The following IQCM variants were observed in gnomAD, a reference collection of about 807,000 sequenced individuals.
The protein encoded by IQCM is IQ motif containing M.
A neutral mutation model predicts 57.6 loss-of-function variants in IQCM; 45 were observed. The observed-to-expected ratio is 0.78, with a 90% CI of 0.62 to 1.00. The LOEUF is 1.00. IQCM is among the 50% of genes least tolerant of loss of function. The pLI is 0.00. For missense variants in IQCM, 468 were observed against 511.6 expected, an observed-to-expected ratio of 0.91 and a Z score of 0.82; for synonymous variants, 148 against 158.9, an observed-to-expected ratio of 0.93 and a Z score of 0.51.
In IQCM at chr4:149,459,504, T is replaced by C. The variant is rs553682674; in HGVS notation, c.1229-25947A>G. Among the ~76,000 whole-genome samples the C allele has an allele frequency of 6.6e-5, 10 of 152,284 alleles. 1 individual carries two copies. Among genetic ancestry groups the C allele is most frequent in the Middle Eastern group, 6.8e-3 (2 of 294 alleles). On this transcript the variant is annotated intron_variant, in intron 12 of 13. Transcript: ENST00000636793. ...TTTTAAATGTACAGTTGAGTGGTAT[T>C]AAATGCATTTTTAATGTTGTACAAC...
At chr4:149,454,195 CAT>C (rs1553968106) in intron 12 of IQCM, among the ~76,000 whole-genome samples, 2 of 147,540 alleles carry the variant, frequency 1.4e-5, no homozygotes, top group Non-Finnish European at 3.0e-5. Flanking sequence ...CACACACACA[CAT>C]ATAAACACAT....
At chr4:149,556,065 T>A (rs529231982) in intron 10 of IQCM, among the ~76,000 whole-genome samples, 1 of 152,330 alleles carries the variant, frequency 6.6e-6, no homozygotes, top group Admixed American at 6.5e-5. Flanking sequence ...GCTAGTACAT[T>A]TCAGCATGTA....
At chr4:149,492,721 T>C (rs1177614560) in intron 12 of IQCM, among the ~76,000 whole-genome samples, 2 of 152,130 alleles carry the variant, frequency 1.3e-5, no homozygotes, top group Non-Finnish European at 2.9e-5. Context: ...TTAAAAACCC[T>C]GTTTGCCCTA....
intron 5 of IQCM, among the ~76,000 whole-genome samples, chr4:149,692,427 T>A (rs896244737): frequency 2.0e-5 from 3 of 152,174 alleles, no homozygotes; most frequent in Non-Finnish European, 4.4e-5. Flanking sequence ...TATATATGTA[T>A]GTATTTTTTA....
At chr4:149,495,308 G>A (rs956939272) in intron 12 of IQCM, among the ~76,000 whole-genome samples, 2 of 152,040 alleles carry the variant, frequency 1.3e-5, no homozygotes, top group African/African-American at 2.4e-5. Context: ...TAGCTACCAC[G>A]TAAGATATAT....
chr4:149,639,943 T>C (rs1424576675), intron 7 of IQCM, among the ~76,000 whole-genome samples: 1 of 152,076 alleles, frequency 6.6e-6, no homozygotes, highest in Admixed American at 6.5e-5. Flanking sequence ...AAATAAAATA[T>C]TTGCAAAATA....
chr4:149,541,727 G>C (rs571524549), intron 12 of IQCM, among the ~76,000 whole-genome samples: 1 of 151,670 alleles, frequency 6.6e-6, no homozygotes, highest in African/African-American at 2.4e-5. Flanking sequence ...CATGTCCTCA[G>C]TCACAAATTT....
At chr4:149,581,656 G>A (rs1344383339) in intron 9 of IQCM, among the ~76,000 whole-genome samples, 1 of 151,712 alleles carries the variant, frequency 6.6e-6, no homozygotes, top group African/African-American at 2.4e-5. Context: ...GGTTTCATGA[G>A]TTGATCTACA....
chr4:149,415,363 T>C (rs967542546), intron 13 of IQCM, among the ~76,000 whole-genome samples: 4 of 152,184 alleles, frequency 2.6e-5, no homozygotes, highest in Non-Finnish European at 2.9e-5. Context: ...TCTTTAAACT[T>C]CAGTTTTCTA....
chr4:149,475,268 A>C (rs1740056559), intron 12 of IQCM, among the ~76,000 whole-genome samples: 1 of 152,162 alleles, frequency 6.6e-6, no homozygotes, highest in African/African-American at 2.4e-5. Flanking sequence ...AGATGTGAGG[A>C]TGAGAGAAGG....
chr4:149,563,560 T>G (rs1750332318), intron 10 of IQCM, 132 bp downstream of exon 10: 2 of 581,700 alleles, frequency 3.4e-6, no homozygotes, highest in Non-Finnish European at 5.0e-6. Context: ...CACTCCAGCC[T>G]GGACAACAAC....
chr4:149,715,776 C>T (rs908598101), intron 5 of IQCM, among the ~76,000 whole-genome samples: 3 of 152,178 alleles, frequency 2.0e-5, no homozygotes, highest in Non-Finnish European at 2.9e-5. Flanking sequence ...GCAGGCAGGT[C>T]GGCCAGACAT....
rs977843728 is a variant in IQCM, at chr4:149,699,184, T to A, written c.386-12716A>T. Among the ~76,000 whole-genome samples, 14 of 151,988 alleles carry A rather than the reference T, an allele frequency of 9.2e-5. No individual in the cohort carries two copies. The East Asian group carries it at 2.7e-3, about 29-fold the overall frequency. ...AACATATTGAAAACAAAATGCAAAG[T>A]TATATTGTGCTTTATATTTCCATGA... On this transcript the variant is annotated intron_variant, in intron 5 of 13. Transcript: ENST00000636793.
chr4:149,809,666 G>A (rs552048512), intron 2 of IQCM, among the ~76,000 whole-genome samples: 16 of 152,212 alleles, frequency 1.1e-4, no homozygotes, highest in Middle Eastern at 3.4e-3. Flanking sequence ...ACAACTCCTC[G>A]ACTGATCCTT....
chr4:149,474,593 T>C (rs1040452866), intron 12 of IQCM, among the ~76,000 whole-genome samples: 8 of 149,456 alleles, frequency 5.4e-5, no homozygotes, highest in Non-Finnish European at 1.2e-4. Flanking sequence ...AGCATGTGCC[T>C]GTAATCCCAG....
rs183936837 is a variant in IQCM, at chr4:149,489,352, T to C, written c.1229-55795A>G. Among the ~76,000 whole-genome samples, 55 of 152,234 alleles carry C rather than the reference T, an allele frequency of 3.6e-4. 2 individuals are homozygous for C. The highest frequency in any genetic ancestry group is 1.3e-3 in the African/African-American group (52 of 41,578). On this transcript the variant is annotated intron_variant, in intron 12 of 13. Transcript: ENST00000636793. The stretch of plus-strand genomic sequence containing the variant: ...CATTCTGATTCCTTATTTTGTTACA[T>C]AATAATTTGCTTAAAAAGCAACACA...
intron 12 of IQCM, among the ~76,000 whole-genome samples, chr4:149,443,508 G>C (rs911818261): frequency 2.8e-4 from 42 of 151,860 alleles, no homozygotes; most frequent in Admixed American, 2.8e-3. Context: ...AGTTTTATAT[G>C]AAGCCAAGTA....
intron 12 of IQCM, among the ~76,000 whole-genome samples, chr4:149,464,016 A>G (rs942176435): frequency 6.6e-6 from 1 of 152,256 alleles, no homozygotes; most frequent in South Asian, 2.1e-4. Flanking sequence ...AGCTCTTCAG[A>G]TAAAAAGTTA....
intron 12 of IQCM, among the ~76,000 whole-genome samples, chr4:149,476,464 C>G (rs1189353333): frequency 1.3e-5 from 2 of 152,074 alleles, no homozygotes; most frequent in African/African-American, 4.8e-5. Flanking sequence ...CAAACCATTA[C>G]TAAAGCTTAA....
Sources: allele counts gnomAD v4.1 joint callset (sites outside exome capture counted in the v4.1 genomes callset), GRCh38; gene constraint gnomAD v4.1.1; transcripts MANE v1.5; gene names NCBI Gene and HGNC (gene_info 2026-07-23, HGNC 2026-07-21).